NKAIN1: variants seen among roughly 807,000 people sequenced by gnomAD.
NKAIN1 encodes the protein sodium/potassium transporting ATPase interacting 1.
NKAIN1 carries 13 observed loss-of-function variants against 31.6 expected under a neutral mutation model. The ratio of observed to expected loss-of-function variants is 0.41; its 90% CI spans 0.27 to 0.65. NKAIN1 has a LOEUF of 0.65. Among genes scored for constraint, NKAIN1 ranks in the 30% least tolerant of loss-of-function variants. The probability of loss-of-function intolerance (pLI) is 0.30; values close to 1 mark genes in which losing one functional copy is unlikely to be tolerated. For synonymous variants in NKAIN1, 104 were observed against 109.0 expected, an observed-to-expected ratio of 0.95 and a Z score of 0.28; for missense variants, 193 against 262.2, an observed-to-expected ratio of 0.74 and a Z score of 1.82.
In NKAIN1 at chr1:31,180,935, G is replaced by A. The variant is rs959777812; in HGVS notation, c.*768C>T. 2 of 152,190 alleles carry A rather than the reference G, an allele frequency of 1.3e-5. No individual in the cohort carries two copies. Among genetic ancestry groups the A allele is most frequent in the Admixed American group, 6.6e-5 (1 of 15,262 alleles). The allele number at this position is 152,190 out of a possible 1,614,324, so 9.4% of individuals were successfully genotyped here. A position where few individuals can be genotyped will look rare whatever the true frequency, so the allele number is the denominator to read the frequency against. Reference sequence around the variant, plus strand: ...ACCACATAGGTCCAAGATGGAGGGGGGCTTGGAAATGGAACTCAGAGAGCA... The same window carrying A: ...ACCACATAGGTCCAAGATGGAGGGGAGCTTGGAAATGGAACTCAGAGAGCA... On this transcript the variant is annotated 3_prime_UTR_variant, in exon 7 of 7. Coordinates refer to ENST00000373736, the MANE Select transcript of NKAIN1 (RefSeq NM_024522.3).
chr1:31,194,352 T>TC, intron 1 of NKAIN1, among the ~76,000 whole-genome samples: 1 of 66,218 alleles, frequency 1.5e-5, no homozygotes, highest in Non-Finnish European at 3.5e-5. Flanking sequence ...TCTTTCTTTT[T>TC]CCTTTTTCTT....
At chr1:31,212,813 C>T (rs1426196503) in intron 1 of NKAIN1, among the ~76,000 whole-genome samples, 3 of 151,862 alleles carry the variant, frequency 2.0e-5, no homozygotes, top group South Asian at 2.1e-4. Context: ...ATCCTGGCTA[C>T]GGTGAAACCC....
intron 1 of NKAIN1, among the ~76,000 whole-genome samples, chr1:31,232,461 A>AGAGAGAGAGAGAGAGAGG (rs1557664534): frequency 8.8e-5 from 11 of 124,392 alleles, no homozygotes; most frequent in African/African-American, 3.4e-4. Context: ...AGAGAGAGAG[A>AGAGAGAGAGAGAGAGAGG]GAGAGAGAGA....
chr1:31,209,827 G>GA (rs374466999), intron 1 of NKAIN1, among the ~76,000 whole-genome samples: 3 of 149,762 alleles, frequency 2.0e-5, no homozygotes, highest in Non-Finnish European at 4.5e-5. Flanking sequence ...TAAAAAGAAA[G>GA]AAAAAAAAAG....
intron 1 of NKAIN1, among the ~76,000 whole-genome samples, chr1:31,210,268 A>G (rs1373469035): frequency 1.3e-5 from 2 of 150,214 alleles, no homozygotes; most frequent in Non-Finnish European, 3.0e-5. Flanking sequence ...TTTGGTGCAA[A>G]AGTAATTGTG....
rs1031243188 is a variant in NKAIN1, at chr1:31,239,884, C to T, written c.-337G>A. ...CCGAGCGCGGCGCAGCGCAGAGCAG[C>T]ACTGCCCAGCTGGGGCAGTCGCCCG... is the stretch of plus-strand genomic sequence containing the variant. On this transcript the variant is annotated 5_prime_UTR_variant, in exon 1 of 7. Transcript: ENST00000373736. The surrounding 1 kb of genome is among the most constrained non-coding windows in gnomAD (Gnocchi z 4.8). Among the ~76,000 whole-genome samples, 2 of 152,098 alleles carry T rather than the reference C, an allele frequency of 1.3e-5. No homozygotes were observed. Among genetic ancestry groups the T allele is most frequent in the Non-Finnish European group, 2.9e-5 (2 of 67,990 alleles).
At chr1:31,186,377 A>AT (rs1645243835) in intron 2 of NKAIN1, among the ~76,000 whole-genome samples, 1 of 148,356 alleles carries the variant, frequency 6.7e-6, no homozygotes, top group Non-Finnish European at 1.5e-5. Flanking sequence ...AAAAAAAAAA[A>AT]GTCTTAATTC....
At chr1:31,222,815 T>C (rs1291238910) in intron 1 of NKAIN1, among the ~76,000 whole-genome samples, 1 of 152,166 alleles carries the variant, frequency 6.6e-6, no homozygotes, top group Non-Finnish European at 1.5e-5. Flanking sequence ...GAACAAATAC[T>C]GTGTGATGTT....
At chr1:31,183,073 T>G (rs2124161218) in intron 4 of NKAIN1, among the ~76,000 whole-genome samples, 1 of 152,214 alleles carries the variant, frequency 6.6e-6, no homozygotes, top group South Asian at 2.1e-4. Context: ...CACTTCAGCT[T>G]CAACCTCCTG....
chr1:31,205,244 C>T (rs547568048), intron 1 of NKAIN1, among the ~76,000 whole-genome samples: 41 of 152,180 alleles, frequency 2.7e-4, no homozygotes, highest in Admixed American at 5.2e-4. Context: ...AATTCTCCTG[C>T]CCCAGCCTCC....
chr1:31,181,960 G>C lies in NKAIN1; in HGVS notation c.533-19C>G, dbSNP rs1339537403. ...AAGTCAACTGCGGAAGAGGGGCGGC[G>C]CATGTTAGGGATCGGCGGCGGGGGC... On this transcript the variant is annotated intron_variant, in intron 5 of 6. Transcript: ENST00000373736. 1 of 1,597,456 alleles carries C rather than the reference G, an allele frequency of 6.3e-7. No individual in the cohort carries two copies. The highest frequency in any genetic ancestry group is 8.5e-7 in the Non-Finnish European group (1 of 1,172,568).
rs1645670626 is a variant in NKAIN1, at chr1:31,233,506, G to A, written c.54+5988C>T. 1.3e-5 allele frequency among the ~76,000 whole-genome samples: 2 copies of A among 152,178 alleles called. No individual in the cohort carries two copies. Among genetic ancestry groups the A allele is most frequent in the Admixed American group, 1.3e-4 (2 of 15,282 alleles). ...CTGCACCTATCATTTATGTGGCCAT[G>A]GATAAGCCACACAGTAGCAAGAGAC... On this transcript the variant is annotated intron_variant, in intron 1 of 6. Transcript: ENST00000373736. This position sits in a 1 kb window ranked among gnomAD's most constrained non-coding sequence, Gnocchi z 4.0.
intron 1 of NKAIN1, among the ~76,000 whole-genome samples, chr1:31,192,046 G>A (rs1357469071): frequency 6.6e-6 from 1 of 152,186 alleles, no homozygotes; most frequent in Non-Finnish European, 1.5e-5. Flanking sequence ...AAAATGCTGG[G>A]ATTACAGACA....
At chr1:31,194,934 G>C (rs1185229991) in intron 1 of NKAIN1, among the ~76,000 whole-genome samples, 2 of 151,174 alleles carry the variant, frequency 1.3e-5, no homozygotes, top group East Asian at 2.0e-4. Flanking sequence ...ACCATGCCCA[G>C]CTAATTCTTG....
rs933250329 is a variant in NKAIN1, at chr1:31,180,135, G to C, written c.*1568C>G. ...TTGCTCAGGATATTTTGGCCTTAGA[G>C]AGTAGGGAATGATAGATTGGAGGGT... is the stretch of plus-strand genomic sequence containing the variant. On this transcript the variant is annotated 3_prime_UTR_variant, in exon 7 of 7. Coordinates refer to ENST00000373736, the MANE Select transcript of NKAIN1 (RefSeq NM_024522.3). 2 of 152,386 alleles carry C rather than the reference G, an allele frequency of 1.3e-5. No homozygotes were observed. The highest frequency in any genetic ancestry group is 4.8e-5 in the African/African-American group (2 of 41,458). The allele number at this position is 152,386 out of a possible 1,614,324, so 9.4% of individuals were successfully genotyped here. A position where few individuals can be genotyped will look rare whatever the true frequency, so the allele number is the denominator to read the frequency against.
At chr1:31,235,563 G>C (rs1408057391) in intron 1 of NKAIN1, among the ~76,000 whole-genome samples, 1 of 152,084 alleles carries the variant, frequency 6.6e-6, no homozygotes, top group African/African-American at 2.4e-5. Flanking sequence ...TTGAGCTCAG[G>C]AATTTGAGGC....
intron 1 of NKAIN1, among the ~76,000 whole-genome samples, chr1:31,190,161 T>C (rs1305020166): frequency 1.3e-5 from 2 of 152,162 alleles, no homozygotes; most frequent in African/African-American, 2.4e-5. Flanking sequence ...AAGAAGCCTT[T>C]TTCCAGGCAG....
chr1:31,191,682 A>T (rs149242711), intron 1 of NKAIN1, among the ~76,000 whole-genome samples: 132 of 152,310 alleles, frequency 8.7e-4, no homozygotes, highest in African/African-American at 3.0e-3. Context: ...GCCCACTAGG[A>T]TCTGGCTCAA....
At position 31,191,404 on chromosome 1, in the gene NKAIN1, T is replaced by G. The variant is rs537830622; in HGVS notation, c.55-3217A>C. ...ATTGATAGAAAACAGAGAGAGGTTT[T>G]TTTTTTTTTTTTTTTTTAAAGCAGT... On this transcript the variant is annotated intron_variant, in intron 1 of 6. Transcript: ENST00000373736. 6.2e-5 allele frequency among the ~76,000 whole-genome samples: 9 copies of G among 144,102 alleles called. No individual in the cohort carries two copies. In the South Asian group the frequency reaches 2.0e-3, roughly 32 times the overall value. 94.5% of individuals were successfully genotyped at this position (144,102 alleles called of 152,430 possible).
Sources: gnomAD v4.1 joint callset for allele counts (sites outside exome capture counted in the v4.1 genomes callset) on GRCh38, gnomAD v4.1.1 for gene constraint, Gnocchi (gnomAD v3.1) non-coding constraint, MANE v1.5 for transcripts, NCBI Gene and HGNC (gene_info 2026-07-23, HGNC 2026-07-21) for gene names.